Variants in ZNF44 observed in about 807,000 individuals in gnomAD.
ZNF44 encodes the protein zinc finger protein 44.
Under a neutral mutation model 11.7 loss-of-function variants are expected in ZNF44, and 9 were observed. The observed-to-expected ratio is 0.77, with a 90% confidence interval of 0.46 to 1.35. ZNF44 has a LOEUF of 1.35. ZNF44 is among the 40% of genes most tolerant of loss of function. The pLI, the probability that ZNF44 is intolerant of heterozygous loss-of-function variation, is 0.00. For synonymous variants in ZNF44, 224 were observed against 242.7 expected (o/e 0.92, Z 0.72); for missense variants, 696 against 743.1 (o/e 0.94, Z 0.74).
At chr19:12,248,142 T>A in exon 8 of ZNF44, 7 of 1,304,378 alleles carry the variant, frequency 5.4e-6, no homozygotes, top group Non-Finnish European at 7.0e-6. Context: ...ATTCCTTTCA[T>A]GTGCTCGAGC....
At chr19:12,267,941 AT>A (rs1413852242), downstream of ZNF44, among the ~76,000 whole-genome samples, 6 of 151,404 alleles carry the variant, frequency 4.0e-5, no homozygotes, top group Admixed American at 3.3e-4. Context: ...GGTTCAAGCG[AT>A]TCTCCTGTCT....
At chr19:12,262,181 A>G (rs1283136337) in intron 5 of ZNF44, among the ~76,000 whole-genome samples, 4 of 152,232 alleles carry the variant, frequency 2.6e-5, no homozygotes, top group East Asian at 1.9e-4. Context: ...CAAAGATTAC[A>G]TAAGTTTTGA....
intron 1 of ZNF44, among the ~76,000 whole-genome samples, chr19:12,291,993 G>GAA (rs770161207): frequency 1.1e-5 from 1 of 94,550 alleles, no homozygotes; most frequent in Non-Finnish European, 2.2e-5. Flanking sequence ...CTCCATCTCA[G>GAA]AAAAAAAAAA....
intron 5 of ZNF44, among the ~76,000 whole-genome samples, chr19:12,265,941 A>G (rs1431696970): frequency 6.6e-6 from 1 of 152,208 alleles, no homozygotes; most frequent in Non-Finnish European, 1.5e-5. Flanking sequence ...TCGTTTCGCT[A>G]AAGTTGCACC....
At chr19:12,248,442 C>T (rs1599496313) in exon 8 of ZNF44, 1 of 1,291,106 alleles carries the variant, frequency 7.7e-7, no homozygotes, top group Non-Finnish European at 1.0e-6. Context: ...ACATTTCTTA[C>T]ATTTATATGG....
In ZNF44 at chr19:12,226,935, G is replaced by A. The variant is rs1026677673; in HGVS notation, n.437-408C>T. 9.9e-5 allele frequency among the ~76,000 whole-genome samples: 15 copies of A among 151,822 alleles called. 1 individual carries two copies. The highest frequency in any genetic ancestry group is 4.2e-4 in the South Asian group (2 of 4,810). Reference sequence around the variant, plus strand: ...ACAAAAATTAGCCGGGTGTGGTGGCGAACGCCTGTAATCCCAGCTACTTGG... The same window carrying A: ...ACAAAAATTAGCCGGGTGTGGTGGCAAACGCCTGTAATCCCAGCTACTTGG... On this transcript the variant is annotated intron_variant and non_coding_transcript_variant, in intron 3 of 3. Transcript: ENST00000597563.
intron 5 of ZNF44, among the ~76,000 whole-genome samples, chr19:12,255,712 C>T (rs1203361307): frequency 6.6e-6 from 1 of 152,120 alleles, no homozygotes; most frequent in Middle Eastern, 3.2e-3. Flanking sequence ...GACCATCTGG[C>T]TACCTGCAGG....
intron 5 of ZNF44, among the ~76,000 whole-genome samples, chr19:12,254,326 C>T (rs1024985145): frequency 3.3e-5 from 5 of 152,206 alleles, no homozygotes; most frequent in Admixed American, 1.3e-4. Context: ...AAACGACCCA[C>T]GGATGAAAGT....
At chr19:12,262,403 T>A (rs1917544220) in intron 5 of ZNF44, among the ~76,000 whole-genome samples, 1 of 152,128 alleles carries the variant, frequency 6.6e-6, no homozygotes, top group Non-Finnish European at 1.5e-5. Context: ...CCCGAGTAGC[T>A]GAGATTACAG....
chr19:12,275,312 G>C (rs1447789257), intron 2 of ZNF44, among the ~76,000 whole-genome samples: 1 of 152,118 alleles, frequency 6.6e-6, no homozygotes, highest in African/African-American at 2.4e-5. Flanking sequence ...ACTTAATGCA[G>C]AGTAAATATA....
rs1966980073 is a variant in ZNF44, at chr19:12,272,278, C to T, written c.*129G>A. 4 of 1,349,208 alleles carry T rather than the reference C, an allele frequency of 3.0e-6. No homozygotes were observed. The highest frequency in any genetic ancestry group is 4.2e-5 in the South Asian group (2 of 47,618). 83.6% of individuals were successfully genotyped at this position (1,349,208 alleles called of 1,614,324 possible). On this transcript the variant is annotated 3_prime_UTR_variant, in exon 4 of 4. Coordinates refer to ENST00000355684, the MANE Select transcript of ZNF44 (RefSeq NM_016264.4). ...TCGGCCTCTCAAAGTGCTGGGATTA[C>T]AGGTGTGAGCCGCTGCGCCCAGCCT... is the stretch of plus-strand genomic sequence containing the variant.
chr19:12,260,603 A>G (rs1917470279), intron 5 of ZNF44: 2 of 618,480 alleles, frequency 3.2e-6, no homozygotes, highest in African/African-American at 1.9e-5. Flanking sequence ...CATGCCCGCA[A>G]AAAACAAAAA....
chr19:12,247,544 G>C (rs1019264954), downstream of ZNF44: 1 of 1,348,418 alleles, frequency 7.4e-7, no homozygotes, highest in African/African-American at 1.5e-5. Context: ...CTCCAGTGTG[G>C]GTTCTTTCAT....
rs1337363615 is a variant in ZNF44, at chr19:12,248,420, GA to G, written c.*444del. 5 of 1,290,972 alleles carry G rather than the reference GA, an allele frequency of 3.9e-6. No individual in the cohort carries two copies. The Admixed American group carries it at 1.1e-4, about 30-fold the overall frequency. 80.0% of individuals were successfully genotyped at this position (1,290,972 alleles called of 1,614,324 possible). A position where few individuals can be genotyped will look rare whatever the true frequency, so the allele number is the denominator to read the frequency against. On this transcript the variant is annotated 3_prime_UTR_variant and NMD_transcript_variant, in exon 8 of 8. Coordinates refer to the ZNF44 transcript ENST00000393337. ...GTTTTTTAAAAGACTGCAGATAACT[GA>G]AGGGTTTCCCACATTTCTTACATTT... is the stretch of plus-strand genomic sequence containing the variant.
intron 5 of ZNF44, among the ~76,000 whole-genome samples, chr19:12,263,142 A>G (rs1316194162): frequency 6.6e-6 from 1 of 151,392 alleles, no homozygotes; most frequent in Admixed American, 6.6e-5. Flanking sequence ...CTGGAGTGCA[A>G]TGGCGCAATC....
upstream of ZNF44, among the ~76,000 whole-genome samples, chr19:12,240,544 G>A (rs1022903091): frequency 1.1e-4 from 16 of 151,222 alleles, no homozygotes; most frequent in East Asian, 5.9e-4. Flanking sequence ...AAAGACTCAC[G>A]CTTCCTGATT....
chr19:12,276,886 GC>G (rs1967248145), intron 1 of ZNF44, among the ~76,000 whole-genome samples: 3 of 152,140 alleles, frequency 2.0e-5, no homozygotes, highest in Non-Finnish European at 2.9e-5. Context: ...TAGACACTCA[GC>G]CCCCTCATCA....
chr19:12,289,723 C>CA (rs1174723998), intron 1 of ZNF44, among the ~76,000 whole-genome samples: 1 of 148,040 alleles, frequency 6.8e-6, no homozygotes, highest in East Asian at 2.0e-4. Flanking sequence ...CGGCTCACTG[C>CA]AAGCTCCGCC....
At chr19:12,293,481 T>A (rs1398216100) in intron 1 of ZNF44, 3 of 1,104,908 alleles carry the variant, frequency 2.7e-6, no homozygotes, top group Non-Finnish European at 3.7e-6. Flanking sequence ...GTTTGGTTTT[T>A]TTTACAGCAG....
Sources: gnomAD v4.1 joint callset for allele counts (sites outside exome capture counted in the v4.1 genomes callset) on GRCh38, gnomAD v4.1.1 for gene constraint, MANE v1.5 for transcripts, NCBI Gene and HGNC (gene_info 2026-07-23, HGNC 2026-07-21) for gene names.